The following ZDHHC9 variants were observed in gnomAD, a reference collection of about 807,000 sequenced individuals.
ZDHHC9 encodes the protein zDHHC palmitoyltransferase 9.
Under a neutral mutation model 26.6 loss-of-function variants are expected in ZDHHC9, and 3 were observed. That is an observed-to-expected ratio of 0.11 (90% CI 0.05 to 0.29). The LOEUF (loss-of-function observed/expected upper bound fraction) is 0.29, where lower values mean the gene tolerates loss of function less well. Among genes scored for constraint, ZDHHC9 ranks in the 10% least tolerant of loss-of-function variants. The pLI is 1.00. For missense variants in ZDHHC9, 146 were observed against 296.4 expected (o/e 0.49, Z 3.73); for synonymous variants, 111 against 109.4 (o/e 1.01, Z -0.09).
chrX:129,806,560 T>G, intron 10 of ZDHHC9, 74 bp from the exon 11 acceptor site: 1 of 931,738 alleles, frequency 1.1e-6, no homozygotes, highest in Non-Finnish European at 1.5e-6. Context: ...CCTTAGACAC[T>G]GAACTCTTCC....
chrX:129,836,018 T>C (rs5977154), intron 3 of ZDHHC9, among the ~76,000 whole-genome samples: 9,105 of 111,368 alleles, frequency 0.082, 917 homozygotes, highest in African/African-American at 0.28. Context: ...CTGACCTCCA[T>C]AGAGTCATTC....
chrX:129,813,049 T>G (rs1391244933), intron 7 of ZDHHC9, among the ~76,000 whole-genome samples: 1 of 112,343 alleles, frequency 8.9e-6, no homozygotes, highest in Non-Finnish European at 1.9e-5. Flanking sequence ...TACCCATCAT[T>G]GGCTCTTGGA....
At chrX:129,808,576 A>C in intron 10 of ZDHHC9, among the ~76,000 whole-genome samples, 1 of 111,982 alleles carries the variant, frequency 8.9e-6, no homozygotes, top group Non-Finnish European at 1.9e-5. Flanking sequence ...AATGGATCAA[A>C]AACCTAAATG....
chrX:129,821,319 G>A (rs888090344), intron 5 of ZDHHC9, among the ~76,000 whole-genome samples: 9 of 104,395 alleles, frequency 8.6e-5, no homozygotes, highest in Admixed American at 8.2e-4. Context: ...TTGAGATGGA[G>A]TCTTGCTCTG....
At chrX:129,828,451 G>A (rs905575114) in intron 4 of ZDHHC9, among the ~76,000 whole-genome samples, 42 of 109,080 alleles carry the variant, frequency 3.9e-4, no homozygotes, top group African/African-American at 1.4e-3. Flanking sequence ...TGAAATCCCC[G>A]TCTCTACTAA....
chrX:129,806,254 A>G lies in ZDHHC9; in HGVS notation c.*116T>C. On this transcript the variant is annotated 3_prime_UTR_variant, in exon 11 of 11. Transcript: ENST00000357166. ...GTGTGCAACTGGGTGACTAAAGACC[A>G]AAGAAAAACAGTTAAAAGGGACAGC... is the stretch of plus-strand genomic sequence containing the variant. The G allele has an allele frequency of 1.4e-6, 1 of 698,067 alleles. No individual in the cohort carries two copies. The highest frequency in any genetic ancestry group is 2.3e-6 in the Non-Finnish European group (1 of 431,814). The allele number at this position is 698,067 out of a possible 1,213,427, so 57.5% of individuals were successfully genotyped here. A position where few individuals can be genotyped will look rare whatever the true frequency, so the allele number is the denominator to read the frequency against.
At chrX:129,830,839 G>A (rs1235606231) in intron 3 of ZDHHC9, among the ~76,000 whole-genome samples, 1 of 111,825 alleles carries the variant, frequency 8.9e-6, no homozygotes, top group Non-Finnish European at 1.9e-5. Context: ...AACTTCATGG[G>A]GGGACACAAG....
intron 10 of ZDHHC9, among the ~76,000 whole-genome samples, chrX:129,807,402 C>T (rs1012654450): frequency 2.9e-5 from 3 of 102,267 alleles, no homozygotes; most frequent in Non-Finnish European, 5.9e-5. Flanking sequence ...GCCGAGATTG[C>T]GCCACTGCAG....
intron 8 of ZDHHC9, among the ~76,000 whole-genome samples, chrX:129,812,145 G>A (rs776863471): frequency 2.4e-3 from 258 of 108,631 alleles, no homozygotes; most frequent in Non-Finnish European, 4.1e-3. Flanking sequence ...GTGCAGTGGC[G>A]TGATCTTTGC....
intron 4 of ZDHHC9, 141 bp downstream of exon 4, chrX:129,828,840 T>C (rs1172230207): frequency 1.2e-6 from 1 of 805,399 alleles, no homozygotes; most frequent in African/African-American, 2.0e-5. Flanking sequence ...ATTCACGGGG[T>C]AGTCATGATC....
chrX:129,828,360 C>T (rs930821363), intron 4 of ZDHHC9, among the ~76,000 whole-genome samples: 20 of 110,590 alleles, frequency 1.8e-4, no homozygotes, highest in African/African-American at 5.3e-4. Context: ...TGGTGGCTCA[C>T]GCCTGTAATC....
At chrX:129,810,136 G>A (rs1927604591) in intron 10 of ZDHHC9, among the ~76,000 whole-genome samples, 1 of 109,738 alleles carries the variant, frequency 9.1e-6, no homozygotes, top group South Asian at 3.9e-4. Flanking sequence ...GGATCACGAG[G>A]TCAGGAGATG....
At chrX:129,812,239 A>C (rs965481384) in intron 8 of ZDHHC9, among the ~76,000 whole-genome samples, 1 of 111,552 alleles carries the variant, frequency 9.0e-6, no homozygotes, top group Non-Finnish European at 1.9e-5. Flanking sequence ...GCACACTAAC[A>C]CATCCGGCTA....
At chrX:129,828,491 A>T (rs5930365) in intron 4 of ZDHHC9, among the ~76,000 whole-genome samples, 1 of 108,325 alleles carries the variant, frequency 9.2e-6, no homozygotes, top group Non-Finnish European at 1.9e-5. Context: ...GTGTGGTGGC[A>T]TGTGACTGTA....
chrX:129,807,910 C>T (rs1191817536), intron 10 of ZDHHC9, among the ~76,000 whole-genome samples: 2 of 112,391 alleles, frequency 1.8e-5, no homozygotes, highest in Non-Finnish European at 3.8e-5. Context: ...AATCAATTGT[C>T]TTTCAATACA....
At chrX:129,819,888 G>A (rs996000938) in intron 5 of ZDHHC9, among the ~76,000 whole-genome samples, 2 of 110,065 alleles carry the variant, frequency 1.8e-5, no homozygotes, top group Non-Finnish European at 3.8e-5. Context: ...GTAGAGACGA[G>A]GTTTCACCAT....
At chrX:129,808,043 A>G (rs1201345075) in intron 10 of ZDHHC9, among the ~76,000 whole-genome samples, 2 of 112,555 alleles carry the variant, frequency 1.8e-5, no homozygotes, top group Non-Finnish European at 1.9e-5. Flanking sequence ...TGAAAACTAC[A>G]AAATGTTGTT....
At chrX:129,817,223 C>G (rs995587165) in intron 5 of ZDHHC9, among the ~76,000 whole-genome samples, 2 of 110,993 alleles carry the variant, frequency 1.8e-5, no homozygotes, top group African/African-American at 6.6e-5. Flanking sequence ...AAGGCCCAGG[C>G]AGGGGAATCA....
In ZDHHC9 at chrX:129,806,098, G is replaced by C. The variant is rs1048119565; in HGVS notation, c.*272C>G. 3.1e-5 allele frequency: 11 copies of C among 356,040 alleles called. No homozygotes were observed. The highest frequency in any genetic ancestry group is 2.1e-4 in the African/African-American group (8 of 38,343). 29.3% of individuals were successfully genotyped at this position (356,040 alleles called of 1,213,427 possible). A position where few individuals can be genotyped will look rare whatever the true frequency, so the allele number is the denominator to read the frequency against. On this transcript the variant is annotated 3_prime_UTR_variant, in exon 11 of 11. Transcript: ENST00000357166. The stretch of plus-strand genomic sequence containing the variant: ...AAGAGAGGGGGTCCAAGGGGACCCT[G>C]TGGCTGAGGCCATGGAGAACCAGTG...
Sources: gnomAD v4.1 joint callset for allele counts (sites outside exome capture counted in the v4.1 genomes callset) on GRCh38, gnomAD v4.1.1 for gene constraint, MANE v1.5 for transcripts, NCBI Gene and HGNC (gene_info 2026-07-23, HGNC 2026-07-21) for gene names.